Variants in BMPR1A observed in about 807,000 individuals in gnomAD.
BMPR1A encodes bone morphogenetic protein receptor type 1A.
In BMPR1A, 7 loss-of-function variants were observed where a neutral mutation model predicts 66.0. The observed-to-expected ratio is 0.11, with a 90% CI of 0.06 to 0.20. The LOEUF is 0.20. BMPR1A is among the 10% of genes least tolerant of loss of function. The pLI is 1.00. For missense variants in BMPR1A, 408 were observed against 669.1 expected (o/e 0.61, Z 4.31); for synonymous variants, 200 against 229.7 (o/e 0.87, Z 1.17).
intron 2 of BMPR1A, among the ~76,000 whole-genome samples, chr10:86,854,374 G>A (rs1259965527): frequency 6.6e-6 from 1 of 152,114 alleles, no homozygotes; most frequent in African/African-American, 2.4e-5. Context: ...CAGCTGACAG[G>A]ATTAAGAGAT....
Position 86,787,496 on chromosome 10 carries a change from G to C in BMPR1A, c.-268+30577G>C, listed in dbSNP as rs138053546. The stretch of plus-strand genomic sequence containing the variant: ...TAAAATCATCACATGCACAAATGCT[G>C]TCTGTATTTAATCCCAGTTAAAGAC... On this transcript the variant is annotated intron_variant, in intron 1 of 12. Coordinates refer to ENST00000372037, the MANE Select transcript of BMPR1A (RefSeq NM_004329.3). Among the ~76,000 whole-genome samples the C allele has an allele frequency of 4.5e-3, 682 of 152,300 alleles. 3 individuals carry two copies. The highest frequency in any genetic ancestry group is 6.4e-3 in the Non-Finnish European group (435 of 68,024).
intron 1 of BMPR1A, among the ~76,000 whole-genome samples, chr10:86,771,564 C>T (rs1455662870): frequency 6.6e-6 from 1 of 152,172 alleles, no homozygotes; most frequent in Admixed American, 6.5e-5. Flanking sequence ...AGCTGGGATT[C>T]AAACCCAGGC....
chr10:86,869,274 A>G (rs1842823404), intron 2 of BMPR1A, among the ~76,000 whole-genome samples: 1 of 152,108 alleles, frequency 6.6e-6, no homozygotes, highest in South Asian at 2.1e-4. Context: ...CCTGGCCAAC[A>G]TGGTGAAACC....
chr10:86,865,073 C>T (rs1236631565), intron 2 of BMPR1A, among the ~76,000 whole-genome samples: 4 of 152,148 alleles, frequency 2.6e-5, no homozygotes, highest in South Asian at 2.1e-4. Context: ...GAGCCCAAGC[C>T]GAGCCATCGT....
chr10:86,801,052 T>C (rs1841804940), intron 1 of BMPR1A, among the ~76,000 whole-genome samples: 1 of 152,264 alleles, frequency 6.6e-6, no homozygotes, highest in Non-Finnish European at 1.5e-5. Context: ...TTTGCATAGA[T>C]GTTAAAAATA....
intron 3 of BMPR1A, among the ~76,000 whole-genome samples, chr10:86,887,398 CTT>C (rs372588915): frequency 2.6e-5 from 4 of 152,200 alleles, no homozygotes; most frequent in African/African-American, 4.8e-5. Context: ...TTTCATATAA[CTT>C]TGAGTTTTTT....
chr10:86,910,901 T>C (rs1359309268), intron 7 of BMPR1A, among the ~76,000 whole-genome samples: 1 of 152,134 alleles, frequency 6.6e-6, no homozygotes, highest in Non-Finnish European at 1.5e-5. Context: ...GAACCCAGGC[T>C]GGTCTCATCT....
chr10:86,879,842 C>G (rs117900459), intron 3 of BMPR1A, among the ~76,000 whole-genome samples: 1 of 152,246 alleles, frequency 6.6e-6, no homozygotes, highest in Non-Finnish European at 1.5e-5. Flanking sequence ...ATAAAACTTC[C>G]ATTCAGAGGA....
At chr10:86,909,066 T>C (rs1843438762) in intron 7 of BMPR1A, among the ~76,000 whole-genome samples, 1 of 152,340 alleles carries the variant, frequency 6.6e-6, no homozygotes, top group Admixed American at 6.5e-5. Context: ...AGTCATGTTA[T>C]ACAGCGAGGG....
At chr10:86,901,814 T>A (rs749409132) in intron 7 of BMPR1A, among the ~76,000 whole-genome samples, 3 of 152,162 alleles carry the variant, frequency 2.0e-5, no homozygotes, top group Non-Finnish European at 4.4e-5. Flanking sequence ...ATACTTTTTT[T>A]ATACATTGGT....
intron 7 of BMPR1A, 85 bp downstream of exon 7, chr10:86,900,211 T>G (rs1843290149): frequency 7.7e-7 from 1 of 1,291,306 alleles, no homozygotes; most frequent in Non-Finnish European, 1.1e-6. Context: ...GCAGAAACCA[T>G]TAACTTGTAT....
At chr10:86,793,483 C>A (rs1312567816) in intron 1 of BMPR1A, among the ~76,000 whole-genome samples, 1 of 151,774 alleles carries the variant, frequency 6.6e-6, no homozygotes, top group East Asian at 1.9e-4. Context: ...CCTGTCTCAG[C>A]CTCCCGAGTA....
At position 86,781,225 on chromosome 10, in the gene BMPR1A, G is replaced by A. The variant is rs113257870; in HGVS notation, c.-268+24306G>A. ...TTTTTGTATAGGGTGAGTGTTGGGCGTCTGCTTTTATTCTTCTGCATATGG... is the reference window on the plus strand; with the variant it reads ...TTTTTGTATAGGGTGAGTGTTGGGCATCTGCTTTTATTCTTCTGCATATGG... On this transcript the variant is annotated intron_variant, in intron 1 of 12. Coordinates refer to ENST00000372037, the MANE Select transcript of BMPR1A (RefSeq NM_004329.3). 1.6e-4 allele frequency among the ~76,000 whole-genome samples: 25 copies of A among 152,224 alleles called. No individual in the cohort carries two copies. In the South Asian group the frequency reaches 2.7e-3, roughly 16 times the overall value.
At chr10:86,841,126 A>G (rs1469169205) in intron 2 of BMPR1A, among the ~76,000 whole-genome samples, 2 of 152,048 alleles carry the variant, frequency 1.3e-5, no homozygotes, top group Non-Finnish European at 2.9e-5. Flanking sequence ...CATTTCTTTC[A>G]CCCTTTAAAC....
At chr10:86,919,558 A>G (rs1843630050) in intron 10 of BMPR1A, 89 bp downstream of exon 10, 1 of 1,528,536 alleles carries the variant, frequency 6.5e-7, no homozygotes. Flanking sequence ...GGAATTCTAA[A>G]AATGTGCATA....
intron 2 of BMPR1A, among the ~76,000 whole-genome samples, chr10:86,840,713 C>A (rs1436395427): frequency 6.6e-6 from 1 of 152,146 alleles, no homozygotes; most frequent in Non-Finnish European, 1.5e-5. Flanking sequence ...ATCATGAGCT[C>A]TGCACCCGCT....
At chr10:86,779,121 T>C (rs118043530) in intron 1 of BMPR1A, among the ~76,000 whole-genome samples, 3,082 of 152,268 alleles carry the variant, frequency 0.02, 51 homozygotes, top group Non-Finnish European at 0.029. Flanking sequence ...TATACCATAT[T>C]TTCTTTATCC....
chr10:86,885,444 T>C (rs894287356), intron 3 of BMPR1A, among the ~76,000 whole-genome samples: 2 of 152,232 alleles, frequency 1.3e-5, no homozygotes, highest in African/African-American at 4.8e-5. Flanking sequence ...CTGTCTTGTG[T>C]GATAGCTACT....
intron 2 of BMPR1A, among the ~76,000 whole-genome samples, chr10:86,845,992 G>A (rs2883419): frequency 0.04 from 5,957 of 149,146 alleles, 227 homozygotes; most frequent in African/African-American, 0.094. Flanking sequence ...GCGAGACTCC[G>A]TCTCAAAAAA....
Sources: gnomAD v4.1 joint callset for allele counts (sites outside exome capture counted in the v4.1 genomes callset) on GRCh38, gnomAD v4.1.1 for gene constraint, MANE v1.5 for transcripts, NCBI Gene and HGNC (gene_info 2026-07-23, HGNC 2026-07-21) for gene names.